TRPM3: variants seen among roughly 807,000 people sequenced by gnomAD.
TRPM3 encodes the protein transient receptor potential cation channel subfamily M member 3, also known as long transient receptor potential channel 3.
In TRPM3, 77 loss-of-function variants were observed where a neutral mutation model predicts 181.2. The observed-to-expected ratio is 0.42, with a 90% CI of 0.35 to 0.51. The LOEUF (loss-of-function observed/expected upper bound fraction) is 0.51. TRPM3 is among the 20% of genes least tolerant of loss of function. The pLI, the probability that TRPM3 is intolerant of heterozygous loss-of-function variation, is 0.01. For synonymous variants in TRPM3, 745 were observed against 796.4 expected (o/e 0.94, Z 1.09); for missense variants, 1,759 against 2,196.7 (o/e 0.80, Z 3.98).
intron 22 of TRPM3, among the ~76,000 whole-genome samples, chr9:70,555,239 T>C (rs1251280218): frequency 6.6e-6 from 1 of 152,240 alleles, no homozygotes; most frequent in African/African-American, 2.4e-5. Context: ...AGTGCTCACC[T>C]GGCTTTCCAA....
intron 19 of TRPM3, 34 bp from the exon 20 acceptor site, chr9:70,603,504 T>C: frequency 6.2e-7 from 1 of 1,609,840 alleles, no homozygotes; most frequent in Non-Finnish European, 8.5e-7. Context: ...CTCTGGCTGT[T>C]CAGGCCCAGG....
intron 9 of TRPM3, among the ~76,000 whole-genome samples, chr9:70,648,631 A>AC: frequency 8.0e-6 from 1 of 125,400 alleles, no homozygotes; most frequent in Admixed American, 7.7e-5. Context: ...TCATACTAGT[A>AC]CAAAAAAAAA....
At chr9:70,619,204 G>A (rs937130422) in intron 16 of TRPM3, 109 bp from the exon 17 acceptor site, 5 of 823,570 alleles carry the variant, frequency 6.1e-6, no homozygotes, top group African/African-American at 5.2e-5. Flanking sequence ...TGATGTAGGT[G>A]TTTCATATGG....
At chr9:70,895,292 A>G (rs2096266465) in intron 1 of TRPM3, among the ~76,000 whole-genome samples, 1 of 152,162 alleles carries the variant, frequency 6.6e-6, no homozygotes, top group African/African-American at 2.4e-5. Context: ...TAAAATTCTT[A>G]ATATTTTCTA....
chr9:71,408,504 G>A (rs1187495988), intron 1 of TRPM3, among the ~76,000 whole-genome samples: 1 of 152,184 alleles, frequency 6.6e-6, no homozygotes, highest in Admixed American at 6.5e-5. Context: ...AAGGGTATCA[G>A]TGATTGAAGA....
At chr9:71,117,195 C>G (rs1236807428) in intron 1 of TRPM3, among the ~76,000 whole-genome samples, 9 of 152,296 alleles carry the variant, frequency 5.9e-5, no homozygotes, top group Admixed American at 2.6e-4. Context: ...CTTTCAGCTT[C>G]CAGTTGCATC....
intron 1 of TRPM3, among the ~76,000 whole-genome samples, chr9:71,347,977 G>GA (rs1400270092): frequency 6.6e-6 from 1 of 151,906 alleles, no homozygotes; most frequent in Non-Finnish European, 1.5e-5. Context: ...CTCTGGTTGA[G>GA]AAAAAAGTTA....
chr9:70,941,837 T>G (rs927069626), intron 1 of TRPM3, among the ~76,000 whole-genome samples: 1 of 152,232 alleles, frequency 6.6e-6, no homozygotes, highest in Non-Finnish European at 1.5e-5. Flanking sequence ...TTGGACTCTT[T>G]GGATAATAGA....
chr9:71,049,950 T>C (rs779121833), intron 1 of TRPM3, among the ~76,000 whole-genome samples: 68 of 152,188 alleles, frequency 4.5e-4, no homozygotes, highest in Non-Finnish European at 9.3e-4. Context: ...CAATAATGTA[T>C]TGTACACTTA....
At chr9:71,382,701 G>A (rs200723694) in intron 1 of TRPM3, among the ~76,000 whole-genome samples, 1 of 115,752 alleles carries the variant, frequency 8.6e-6, no homozygotes, top group African/African-American at 3.1e-5. Context: ...TTTTTTTTTT[G>A]CACTTTATCA....
intron 1 of TRPM3, among the ~76,000 whole-genome samples, chr9:71,373,814 G>A (rs1439272087): frequency 6.6e-6 from 1 of 152,118 alleles, no homozygotes; most frequent in Non-Finnish European, 1.5e-5. Context: ...ACCTGGCAGA[G>A]ATACAACAAA....
chr9:71,327,718 A>G (rs2089799172), intron 1 of TRPM3, among the ~76,000 whole-genome samples: 1 of 152,230 alleles, frequency 6.6e-6, no homozygotes, highest in South Asian at 2.1e-4. Context: ...TTCCTCCAAC[A>G]GTCTCTGAAG....
chr9:70,940,768 G>C (rs2096878401), intron 1 of TRPM3, among the ~76,000 whole-genome samples: 1 of 152,124 alleles, frequency 6.6e-6, no homozygotes, highest in African/African-American at 2.4e-5. Context: ...CAGGGATGGA[G>C]AGTGGAGGGA....
chr9:71,328,981 T>A (rs1414540060), intron 1 of TRPM3, among the ~76,000 whole-genome samples: 1 of 152,208 alleles, frequency 6.6e-6, no homozygotes, highest in Admixed American at 6.5e-5. Flanking sequence ...CTTCATTGGA[T>A]TCAAAATTCT....
intron 1 of TRPM3, among the ~76,000 whole-genome samples, chr9:70,898,205 C>A (rs1306824113): frequency 6.6e-6 from 1 of 151,348 alleles, no homozygotes; most frequent in South Asian, 2.1e-4. Flanking sequence ...TCACTGCAAG[C>A]TCCGCCTCCC....
At chr9:70,682,404 A>C (rs2065699112) in intron 8 of TRPM3, among the ~76,000 whole-genome samples, 1 of 152,116 alleles carries the variant, frequency 6.6e-6, no homozygotes, top group East Asian at 1.9e-4. Context: ...ATAACTCCTA[A>C]ATTGTACAGG....
At chr9:70,852,160 G>GA (rs1029244039) in intron 3 of TRPM3, among the ~76,000 whole-genome samples, 1 of 126,312 alleles carries the variant, frequency 7.9e-6, no homozygotes, top group South Asian at 2.6e-4. Flanking sequence ...AAAAAAGAGA[G>GA]AAAAAAAATC....
intron 1 of TRPM3, among the ~76,000 whole-genome samples, chr9:71,048,366 C>G (rs1318462096): frequency 6.6e-6 from 1 of 151,404 alleles, no homozygotes; most frequent in Non-Finnish European, 1.5e-5. Context: ...AGTAACCCCT[C>G]TAATCTACAC....
chr9:70,845,273 C>T (rs2094906254), intron 4 of TRPM3, among the ~76,000 whole-genome samples: 2 of 152,068 alleles, frequency 1.3e-5, no homozygotes, highest in African/African-American at 4.8e-5. Flanking sequence ...GAGTTTTGCT[C>T]TTGTTGCCCA....
Sources: gnomAD v4.1 joint callset for allele counts (sites outside exome capture counted in the v4.1 genomes callset) on GRCh38, gnomAD v4.1.1 for gene constraint, MANE v1.5 for transcripts, NCBI Gene and HGNC (gene_info 2026-07-23, HGNC 2026-07-21) for gene names.